PARP10: variants seen among roughly 807,000 people sequenced by gnomAD.
PARP10 encodes poly(ADP-ribose) polymerase family member 10, also known as protein mono-ADP-ribosyltransferase PARP10.
A neutral mutation model predicts 82.4 loss-of-function variants in PARP10; 56 were observed. That is an observed-to-expected ratio of 0.68 (90% confidence interval 0.55 to 0.85). The LOEUF (loss-of-function observed/expected upper bound fraction) is 0.85. Among genes scored for constraint, PARP10 ranks in the 40% least tolerant of loss-of-function variants. PARP10 has a pLI of 0.00. For synonymous variants in PARP10, 576 were observed against 601.1 expected (o/e 0.96, Z 0.61); for missense variants, 1,227 against 1,379.4 (o/e 0.89, Z 1.75).
At chr8:144,012,397 C>T (rs1162592071) in intron 1 of PARP10, 1 of 807,360 alleles carries the variant, frequency 1.2e-6, no homozygotes, top group African/African-American at 1.7e-5. Context: ...ACCCAGGGCC[C>T]ACTGGGCCAG....
intron 1 of PARP10, among the ~76,000 whole-genome samples, chr8:144,002,158 T>C (rs1834207573): frequency 6.6e-6 from 1 of 152,162 alleles, no homozygotes; most frequent in East Asian, 1.9e-4. Context: ...TTTCAATAGG[T>C]TTGAAATTTT....
intron 9 of PARP10, among the ~76,000 whole-genome samples, chr8:143,979,271 C>T (rs1472241918): frequency 6.6e-6 from 1 of 152,028 alleles, no homozygotes; most frequent in Admixed American, 6.6e-5. Context: ...CCGCAGCTGG[C>T]CAACCCTGCA....
rs781843785 is a variant in PARP10, at chr8:143,985,446, G to T, written c.639C>A (p.Pro213=). The change falls in exon 4 of 11, where the codon CCC becomes CCA. Residue 213 remains proline (P), a synonymous_variant. Transcript: ENST00000313028. ...GCTGGAAGGAGGCAACAGTGCCCAGGGGCCCGGGTAGGCGTTGCAGGTCCT... is the reference window on the plus strand; with the variant it reads ...GCTGGAAGGAGGCAACAGTGCCCAGTGGCCCGGGTAGGCGTTGCAGGTCCT... The part of the protein sequence containing the change: ...PLEDLQRLPG[P]LGTVASFQQW... The T allele has an allele frequency of 1.2e-6, 2 of 1,611,868 alleles. No individual in the cohort carries two copies. Among genetic ancestry groups the T allele is most frequent in the Non-Finnish European group, 1.7e-6 (2 of 1,179,102 alleles).
chr8:143,984,571 A>C lies in PARP10; in HGVS notation c.1431T>G (p.Leu477=). 1.2e-6 allele frequency: 2 copies of C among 1,613,066 alleles called. No homozygotes were observed. The highest frequency in any genetic ancestry group is 1.7e-6 in the Non-Finnish European group (2 of 1,179,498). ...AGLGDVALLP[L]EGPDMTGFRL... ...GAAAGCCAGTCATATCCGGTCCTTC[A>C]AGTGGCAAGAGAGCGACGTCTCCCA... Residue 477 remains leucine (L), a synonymous_variant, in exon 5 of 11, where the codon CTT becomes CTG. Coordinates refer to ENST00000313028, the MANE Select transcript of PARP10 (RefSeq NM_032789.5).
At position 143,977,763 on chromosome 8, in the gene PARP10, C is replaced by A; in HGVS notation, c.2799G>T (p.Ser933=). 6.2e-7 allele frequency: 1 copy of A among 1,604,256 alleles called. No individual in the cohort carries two copies. The highest frequency in any genetic ancestry group is 1.1e-5 in the South Asian group (1 of 89,874). ...RASLSVQDRY[S]PPNADGHKAV... ...CCTTATGGCCATCGGCGTTGGGGGGCGAGTAGCGGTCCTGCACCGACAGGG... is the reference window on the plus strand; with the variant it reads ...CCTTATGGCCATCGGCGTTGGGGGGAGAGTAGCGGTCCTGCACCGACAGGG... Residue 933 remains serine, a synonymous_variant, in exon 11 of 11, where the codon TCG becomes TCT. Transcript: ENST00000313028.
chr8:143,988,987 G>C (rs1554750065), upstream of PARP10: 3 of 152,222 alleles, frequency 2.0e-5, no homozygotes, highest in African/African-American at 7.2e-5. Context: ...GGGAATTTCT[G>C]TGGACTGGTT....
intron 1 of PARP10, among the ~76,000 whole-genome samples, chr8:144,000,589 C>T (rs1314961130): frequency 6.6e-6 from 1 of 152,150 alleles, no homozygotes; most frequent in Non-Finnish European, 1.5e-5. Flanking sequence ...GAGATCACGC[C>T]ACTGCACTCC....
At chr8:143,991,024 G>T, upstream of PARP10, 1 of 419,370 alleles carries the variant, frequency 2.4e-6, no homozygotes. Flanking sequence ...CCGCCCGTCC[G>T]GTCCTCACGC....
At chr8:143,979,822 G>A (rs921467032) in intron 9 of PARP10, among the ~76,000 whole-genome samples, 2 of 152,006 alleles carry the variant, frequency 1.3e-5, no homozygotes, top group Admixed American at 1.3e-4. Flanking sequence ...TCGGGAGATC[G>A]AGACCATGGT....
At chr8:143,991,035 G>T (rs558187928), upstream of PARP10, 3 of 445,966 alleles carry the variant, frequency 6.7e-6, no homozygotes, top group Non-Finnish European at 8.0e-6. Flanking sequence ...GTCCTCACGC[G>T]CTTCTCCGGG....
chr8:143,983,590 G>C lies in PARP10; in HGVS notation c.1999C>G (p.Gln667Glu). ...QLALHRSLEP[Q>E]GQVAEQEEAA... Reference sequence around the variant, plus strand: ...TCCTCCTGCTCAGCCACCTGACCTTGAGGCTCCAGTGACCGGTGGAGGGCC... The same window carrying C: ...TCCTCCTGCTCAGCCACCTGACCTTCAGGCTCCAGTGACCGGTGGAGGGCC... The change falls in exon 8 of 11, where the codon CAA becomes GAA. Residue 667 changes from glutamine to glutamate, a missense_variant. Gln to Glu is a conservative substitution (Grantham distance 29, BLOSUM62 2). Coordinates refer to ENST00000313028, the MANE Select transcript of PARP10 (RefSeq NM_032789.5). The C allele has an allele frequency of 2.5e-6, 4 of 1,605,880 alleles. No homozygotes were observed. The highest frequency in any genetic ancestry group is 1.7e-4 in the Middle Eastern group (1 of 6,040).
intron 1 of PARP10, among the ~76,000 whole-genome samples, chr8:144,009,597 C>T (rs1321822054): frequency 1.3e-5 from 2 of 152,222 alleles, no homozygotes; most frequent in Non-Finnish European, 2.9e-5. Flanking sequence ...TTCCAGCCCA[C>T]ACAGTAGGTT....
chr8:144,000,382 G>A (rs1834193383), intron 1 of PARP10, among the ~76,000 whole-genome samples: 1 of 152,206 alleles, frequency 6.6e-6, no homozygotes, highest in African/African-American at 2.4e-5. Context: ...ACTACCAGAA[G>A]CAAGGAGAGA....
intron 1 of PARP10, among the ~76,000 whole-genome samples, chr8:143,997,951 ATTTTAT>A (rs1354669427): frequency 9.2e-5 from 14 of 151,828 alleles, no homozygotes; most frequent in African/African-American, 3.4e-4. Context: ...TGCCTGGCTA[ATTTTAT>A]TTTTATTTTT....
intron 9 of PARP10, among the ~76,000 whole-genome samples, chr8:143,978,289 G>A (rs1833761441): frequency 2.0e-5 from 3 of 152,130 alleles, no homozygotes; most frequent in Admixed American, 6.5e-5. Flanking sequence ...GGGGAGGCCT[G>A]ACCCCTCCCC....
In PARP10 at chr8:143,985,200, G is replaced by C; in HGVS notation, c.802C>G (p.Gln268Glu). The change falls in exon 5 of 11, where the codon CAG (glutamine) becomes GAG (glutamate). Residue 268 changes from glutamine to glutamate, a missense_variant. By Grantham distance (29) the Gln-to-Glu change is conservative. Transcript: ENST00000313028. Reference sequence around the variant, plus strand: ...GCATGCTTGGTAGCCCTAGGCCCCTGGGTGGACGGGTGGTCCCCTCCACTG... The same window carrying C: ...GCATGCTTGGTAGCCCTAGGCCCCTCGGTGGACGGGTGGTCCCCTCCACTG... ...NTSGGDHPST[Q>E]GPRATKHALL... The C allele has an allele frequency of 2.5e-6, 4 of 1,614,122 alleles. No homozygotes were observed. Among genetic ancestry groups the C allele is most frequent in the Non-Finnish European group, 3.4e-6 (4 of 1,180,030 alleles).
chr8:143,994,780 C>T (rs1834150935), upstream of PARP10, among the ~76,000 whole-genome samples: 1 of 152,214 alleles, frequency 6.6e-6, no homozygotes, highest in African/African-American at 2.4e-5. Context: ...CTTCCCCCAC[C>T]TCCCCTTCCG....
chr8:143,989,591 T>C (rs1307666643), upstream of PARP10: 1 of 152,244 alleles, frequency 6.6e-6, no homozygotes, highest in Non-Finnish European at 1.5e-5. The surrounding 1 kb of genome is among the most constrained non-coding windows in gnomAD (Gnocchi z 4.3). Context: ...ACCTACTATG[T>C]ATCCACAAGA....
chr8:143,977,851 A>G, intron 10 of PARP10, 21 bp from the exon 11 acceptor site: 1 of 1,597,996 alleles, frequency 6.3e-7, no homozygotes, highest in South Asian at 1.1e-5. Flanking sequence ...AGACGGGGCA[A>G]GGTCAGGGTG....
Sources: gnomAD v4.1 joint callset for allele counts (sites outside exome capture counted in the v4.1 genomes callset) on GRCh38, gnomAD v4.1.1 for gene constraint, Gnocchi (gnomAD v3.1) non-coding constraint, MANE v1.5 for transcripts, NCBI Gene and HGNC (gene_info 2026-07-23, HGNC 2026-07-21) for gene names.